The following SBF2 variants were observed in gnomAD, a reference collection of about 807,000 sequenced individuals.
SBF2 encodes myotubularin-related protein 13.
Under a neutral mutation model 225.2 loss-of-function variants are expected in SBF2, and 112 were observed. The observed-to-expected ratio is 0.50, with a 90% CI of 0.43 to 0.58. SBF2 has a LOEUF of 0.58. Ranked by LOEUF, SBF2 falls within the 20% of genes least tolerant of loss-of-function variation. The pLI, the probability that SBF2 is intolerant of heterozygous loss-of-function variation, is 0.00. For missense variants in SBF2, 1,996 were observed against 2,206.2 expected (o/e 0.90, Z 1.91); for synonymous variants, 763 against 773.3 (o/e 0.99, Z 0.22).
chr11:10,103,402 T>C (rs977004050), intron 2 of SBF2, among the ~76,000 whole-genome samples: 1 of 152,222 alleles, frequency 6.6e-6, no homozygotes, highest in South Asian at 2.1e-4. Flanking sequence ...CTTTGTGCTA[T>C]ATTTGTGTAA....
intron 14 of SBF2, 109 bp downstream of exon 14, chr11:9,968,232 A>G: frequency 1.1e-6 from 1 of 938,140 alleles, no homozygotes; most frequent in Non-Finnish European, 1.7e-6. Context: ...GATTCTAGCT[A>G]CAGGAGTTTG....
At chr11:10,194,357 T>C (rs1192955567) in intron 1 of SBF2, among the ~76,000 whole-genome samples, 1 of 152,182 alleles carries the variant, frequency 6.6e-6, no homozygotes, top group African/African-American at 2.4e-5. Flanking sequence ...ATTTAGAGTA[T>C]ATAGGAAAAT....
At chr11:9,821,497 G>C (rs1041930406) in intron 28 of SBF2, among the ~76,000 whole-genome samples, 1 of 152,154 alleles carries the variant, frequency 6.6e-6, no homozygotes, top group African/African-American at 2.4e-5. Context: ...ATCCCATCTG[G>C]AAGTCATTTT....
chr11:10,065,040 A>G (rs1229802182), intron 2 of SBF2, among the ~76,000 whole-genome samples: 1 of 152,212 alleles, frequency 6.6e-6, no homozygotes, highest in East Asian at 1.9e-4. Flanking sequence ...GTAAGCCACA[A>G]TAAAATTAAA....
intron 1 of SBF2, among the ~76,000 whole-genome samples, chr11:10,265,031 G>A (rs982205165): frequency 1.9e-4 from 29 of 152,010 alleles, no homozygotes; most frequent in African/African-American, 6.3e-4. Flanking sequence ...GAGTAGTGTC[G>A]CAGTAAACAT....
chr11:9,817,118 G>A (rs1467214454), intron 28 of SBF2, 94 bp from the exon 29 acceptor site: 1 of 1,348,946 alleles, frequency 7.4e-7, no homozygotes, highest in African/African-American at 1.4e-5. Flanking sequence ...TACAGTTTTA[G>A]AGGTCATAGC....
chr11:9,995,334 A>G (rs1258537227), intron 9 of SBF2, among the ~76,000 whole-genome samples: 2 of 152,186 alleles, frequency 1.3e-5, no homozygotes, highest in Non-Finnish European at 2.9e-5. Flanking sequence ...CTTCTTGCAG[A>G]ATCATTTTCA....
intron 35 of SBF2, among the ~76,000 whole-genome samples, chr11:9,788,225 T>C (rs1310672485): frequency 1.3e-5 from 2 of 152,112 alleles, no homozygotes; most frequent in African/African-American, 4.8e-5. Context: ...ACAGGGAAGC[T>C]GGAAATCAGG....
chr11:10,033,387 T>C (rs1949329861), intron 3 of SBF2, among the ~76,000 whole-genome samples: 1 of 152,148 alleles, frequency 6.6e-6, no homozygotes, highest in South Asian at 2.1e-4. Context: ...TGGTCATTTC[T>C]TAAAGCTGCT....
chr11:10,296,248 TA>T (rs1393168618), upstream of SBF2, among the ~76,000 whole-genome samples: 3 of 152,220 alleles, frequency 2.0e-5, no homozygotes, highest in East Asian at 1.9e-4. Context: ...AATACTTCAT[TA>T]TTTTTTATGA....
chr11:10,170,179 A>T (rs186642304), intron 2 of SBF2, among the ~76,000 whole-genome samples: 1 of 152,074 alleles, frequency 6.6e-6, no homozygotes, highest in Non-Finnish European at 1.5e-5. Flanking sequence ...GTCTGTGCTT[A>T]TGGGGTATTA....
chr11:9,921,064 CTTTTTTTTTTTTTTTT>C (rs34959264), intron 16 of SBF2, among the ~76,000 whole-genome samples: 1 of 85,888 alleles, frequency 1.2e-5, no homozygotes, highest in Non-Finnish European at 2.1e-5. Context: ...CTGAAAACTT[CTTTTTTTTTTTTTTTT>C]TTTTTTGGAG....
intron 1 of SBF2, among the ~76,000 whole-genome samples, chr11:10,232,081 C>A (rs1958875898): frequency 6.6e-6 from 1 of 152,242 alleles, no homozygotes; most frequent in Non-Finnish European, 1.5e-5. Context: ...ATGAGCAGGG[C>A]TCCATGGGCA....
chr11:10,149,814 G>A (rs1273277409), intron 2 of SBF2, among the ~76,000 whole-genome samples: 6 of 152,054 alleles, frequency 3.9e-5, no homozygotes, highest in Admixed American at 3.9e-4. Context: ...AATCAATTTG[G>A]GACAGGGAAA....
At chr11:10,074,156 G>A (rs1387467877) in intron 2 of SBF2, among the ~76,000 whole-genome samples, 1 of 152,178 alleles carries the variant, frequency 6.6e-6, no homozygotes, top group East Asian at 1.9e-4. Context: ...GAAAGAAAGA[G>A]TGACCCAGAG....
intron 2 of SBF2, among the ~76,000 whole-genome samples, chr11:10,055,872 C>T (rs1481845960): frequency 6.6e-6 from 1 of 151,904 alleles, no homozygotes; most frequent in Non-Finnish European, 1.5e-5. Flanking sequence ...CCAGACTTTA[C>T]CATGATATAA....
intron 16 of SBF2, chr11:9,957,711 G>C (rs1346455825): frequency 6.6e-6 from 1 of 151,918 alleles, no homozygotes; most frequent in African/African-American, 2.4e-5. Context: ...CACCTGCCTT[G>C]GCCTCCCAAA....
intron 2 of SBF2, among the ~76,000 whole-genome samples, chr11:10,049,118 A>G (rs1057482931): frequency 1.3e-5 from 2 of 152,224 alleles, no homozygotes; most frequent in Non-Finnish European, 2.9e-5. Context: ...CTTGAATGCA[A>G]AAGCAGGTAT....
intron 2 of SBF2, among the ~76,000 whole-genome samples, chr11:10,167,599 C>G (rs1172832060): frequency 1.3e-5 from 2 of 152,084 alleles, no homozygotes; most frequent in Admixed American, 6.5e-5. Context: ...TAAATAAAAT[C>G]TAGTTGCAAT....
Sources: gnomAD v4.1 joint callset for allele counts (sites outside exome capture counted in the v4.1 genomes callset) on GRCh38, gnomAD v4.1.1 for gene constraint, MANE v1.5 for transcripts, NCBI Gene and HGNC (gene_info 2026-07-23, HGNC 2026-07-21) for gene names.